Variants in PCDH15 observed in about 807,000 individuals in gnomAD.
PCDH15 encodes protocadherin-15.
In PCDH15, 129 loss-of-function variants were observed where a neutral mutation model predicts 178.5. That is an observed-to-expected ratio of 0.72 (90% confidence interval 0.63 to 0.84). The LOEUF (loss-of-function observed/expected upper bound fraction) is 0.84. PCDH15 is among the 40% of genes least tolerant of loss of function. The probability of loss-of-function intolerance (pLI) is 0.00; values close to 1 mark genes in which losing one functional copy is unlikely to be tolerated. For synonymous variants in PCDH15, 800 were observed against 732.0 expected, an observed-to-expected ratio of 1.09 and a Z score of -1.50; for missense variants, 2,230 against 2,099.9, an observed-to-expected ratio of 1.06 and a Z score of -1.21.
intron 1 of PCDH15, among the ~76,000 whole-genome samples, chr10:54,738,461 G>T (rs1052833226): frequency 2.0e-5 from 3 of 151,982 alleles, no homozygotes; most frequent in Admixed American, 6.6e-5. Context: ...GGTAAAACAT[G>T]AATTTACTTT....
chr10:54,300,041 A>C (rs2060052232), intron 8 of PCDH15, among the ~76,000 whole-genome samples: 1 of 152,178 alleles, frequency 6.6e-6, no homozygotes, highest in Non-Finnish European at 1.5e-5. Flanking sequence ...AACGAAATCT[A>C]TCCTTACTCT....
intron 8 of PCDH15, among the ~76,000 whole-genome samples, chr10:54,258,782 C>T (rs192104866): frequency 1.3e-5 from 2 of 152,074 alleles, no homozygotes; most frequent in African/African-American, 4.8e-5. Context: ...CTGTAATCAT[C>T]GTATTTCTCC....
At chr10:54,182,160 T>C (rs2048046976) in intron 13 of PCDH15, among the ~76,000 whole-genome samples, 1 of 152,104 alleles carries the variant, frequency 6.6e-6, no homozygotes, top group Non-Finnish European at 1.5e-5. Context: ...AGAGGTGGGG[T>C]TTCACCATAT....
chr10:54,185,248 G>A lies in PCDH15; in HGVS notation c.1326C>T (p.His442=), dbSNP rs1178465560. The change falls in exon 12 of 38, where the codon CAC becomes CAT. Residue 442 remains histidine (H), a synonymous_variant. Transcript: ENST00000644397. ...DIEDTKDPEL[H]LFLNDYTSVF... is the part of the protein sequence containing the mutation. ...CTGAGGTGTAGTCATTCAGAAAAAG[G>A]TGAAGCTCTGGGTCTTTTGTCTTTG... 4 of 1,613,504 alleles carry A rather than the reference G, an allele frequency of 2.5e-6. No individual in the cohort carries two copies. The highest frequency in any genetic ancestry group is 3.4e-6 in the Non-Finnish European group (4 of 1,179,634).
chr10:55,424,385 A>G (rs905089339), intron 2 of PCDH15, among the ~76,000 whole-genome samples: 1 of 152,146 alleles, frequency 6.6e-6, no homozygotes, highest in Non-Finnish European at 1.5e-5. Context: ...GCAAATGGCT[A>G]GTAGTGCCCT....
At chr10:55,467,966 CAAAAAAAAA>C (rs71463104) in intron 2 of PCDH15, among the ~76,000 whole-genome samples, 3 of 36,642 alleles carry the variant, frequency 8.2e-5, no homozygotes, top group African/African-American at 1.5e-4. Context: ...GACTCCGTCT[CAAAAAAAAA>C]AAAAAAAAAA....
At chr10:53,981,411 T>G (rs975750641) in intron 21 of PCDH15, among the ~76,000 whole-genome samples, 5 of 152,154 alleles carry the variant, frequency 3.3e-5, no homozygotes, top group African/African-American at 1.2e-4. Context: ...CTACCTGACT[T>G]CAAACTATAC....
intron 10 of PCDH15, among the ~76,000 whole-genome samples, chr10:54,204,609 A>AT (rs1159472171): frequency 6.6e-6 from 1 of 151,532 alleles, no homozygotes; most frequent in African/African-American, 2.4e-5. Flanking sequence ...GTTACTAAAA[A>AT]AATAAGCTAT....
At chr10:54,577,635 A>G (rs1027784292) in intron 2 of PCDH15, among the ~76,000 whole-genome samples, 1 of 152,110 alleles carries the variant, frequency 6.6e-6, no homozygotes, top group Non-Finnish European at 1.5e-5. Flanking sequence ...TTCAAGGCAA[A>G]GCATTGCTAC....
chr10:54,063,230 A>C (rs2094067675), intron 18 of PCDH15, among the ~76,000 whole-genome samples: 1 of 152,176 alleles, frequency 6.6e-6, no homozygotes, highest in Non-Finnish European at 1.5e-5. Context: ...CTTCTACAAC[A>C]TGGTATAGAA....
In PCDH15 at chr10:54,106,660, T is replaced by C. The variant is rs543154540; in HGVS notation, c.1918-16597A>G. On this transcript the variant is annotated intron_variant, in intron 15 of 37. Coordinates refer to ENST00000644397, the MANE Select transcript of PCDH15 (RefSeq NM_001384140.1). ...TTCAAGTGGTATAGGATTAGACAAT[T>C]AGGTTCGTACAATATGAAGTGTGGA... 9.9e-5 allele frequency among the ~76,000 whole-genome samples: 15 copies of C among 152,270 alleles called. No homozygotes were observed. In the East Asian group the frequency reaches 2.9e-3, roughly 29 times the overall value.
intron 21 of PCDH15, among the ~76,000 whole-genome samples, chr10:53,981,521 T>C (rs2090637220): frequency 6.6e-6 from 1 of 152,010 alleles, no homozygotes; most frequent in Non-Finnish European, 1.5e-5. Context: ...GCCACATATC[T>C]ACAACTATCT....
At chr10:54,240,838 G>A (rs753241301) in intron 8 of PCDH15, among the ~76,000 whole-genome samples, 3 of 151,696 alleles carry the variant, frequency 2.0e-5, no homozygotes, top group Non-Finnish European at 4.4e-5. Context: ...TCACCGTGTT[G>A]GCCAGGATGG....
chr10:54,457,634 T>C (rs1395882374), intron 3 of PCDH15, among the ~76,000 whole-genome samples: 2 of 152,162 alleles, frequency 1.3e-5, no homozygotes, highest in Non-Finnish European at 2.9e-5. Flanking sequence ...TATGTTTCCA[T>C]GGGAAAATTC....
intron 3 of PCDH15, among the ~76,000 whole-genome samples, chr10:54,424,865 G>T (rs1354221995): frequency 1.6e-5 from 2 of 127,788 alleles, no homozygotes; most frequent in Admixed American, 1.6e-4. Flanking sequence ...GTCAAGCGGT[G>T]GGGGGAGGGG....
chr10:54,169,092 G>A (rs904602144), intron 13 of PCDH15, among the ~76,000 whole-genome samples: 11 of 151,454 alleles, frequency 7.3e-5, no homozygotes, highest in South Asian at 2.1e-4. Flanking sequence ...CTCCTAAGCC[G>A]CGTCCCATCT....
intron 26 of PCDH15, among the ~76,000 whole-genome samples, chr10:53,884,024 T>TG (rs1554843453): frequency 6.6e-6 from 1 of 151,452 alleles, no homozygotes; most frequent in East Asian, 1.9e-4. Flanking sequence ...CCTGTTTTTG[T>TG]AAAAAAACAA....
intron 2 of PCDH15, among the ~76,000 whole-genome samples, chr10:55,433,054 AAC>A (rs869126152): frequency 9.2e-5 from 1 of 10,846 alleles, no homozygotes; most frequent in Non-Finnish European, 1.2e-4. Flanking sequence ...AACAAAACAA[AAC>A]AAAAACAGAA....
chr10:55,306,485 T>C (rs1368642328), intron 1 of PCDH15, among the ~76,000 whole-genome samples: 1 of 152,094 alleles, frequency 6.6e-6, no homozygotes, highest in African/African-American at 2.4e-5. Context: ...GAGAGTATAG[T>C]GTTAAAAAAA....
Sources: gnomAD v4.1 joint callset for allele counts (sites outside exome capture counted in the v4.1 genomes callset) on GRCh38, gnomAD v4.1.1 for gene constraint, MANE v1.5 for transcripts, NCBI Gene and HGNC (gene_info 2026-07-23, HGNC 2026-07-21) for gene names.